Variants in MKRN2 observed in about 807,000 individuals in gnomAD.
MKRN2 encodes the protein E3 ubiquitin-protein ligase makorin-2.
Under a neutral mutation model 45.4 loss-of-function variants are expected in MKRN2, and 32 were observed. The observed-to-expected ratio is 0.70, with a 90% CI of 0.53 to 0.95. MKRN2 has a LOEUF of 0.95. Among genes scored for constraint, MKRN2 ranks in the 40% least tolerant of loss-of-function variants. MKRN2 has a pLI of 0.00. For missense variants in MKRN2, 526 were observed against 536.7 expected (o/e 0.98, Z 0.20); for synonymous variants, 206 against 192.4 (o/e 1.07, Z -0.59).
rs3036508 is a variant in MKRN2 at position 12,569,256 on chromosome 3, G to GGTTCAAGGA, written c.155+257_155+258insAAGGAGTTC. On this transcript the variant is annotated intron_variant, in intron 2 of 7. Transcript: ENST00000170447. ...AGTTCTCTGCAACCTCCGCCTCCAG[G>GGTTCAAGGA]GTTCTCCTGCCTCAGCCTCCCAAGT... Among the ~76,000 whole-genome samples, 59 of 150,830 alleles carry GGTTCAAGGA rather than the reference G, an allele frequency of 3.9e-4. 1 individual carries two copies. Among genetic ancestry groups the GGTTCAAGGA allele is most frequent in the African/African-American group, 8.1e-4 (33 of 40,970 alleles).
intron 1 of MKRN2, among the ~76,000 whole-genome samples, chr3:12,567,735 C>T (rs2058077773): frequency 6.6e-6 from 1 of 152,008 alleles, no homozygotes; most frequent in South Asian, 2.1e-4. Context: ...AGGTGATGCG[C>T]CCGCCTTGGC....
At chr3:12,568,337 G>C (rs1212207103) in intron 1 of MKRN2, among the ~76,000 whole-genome samples, 1 of 152,234 alleles carries the variant, frequency 6.6e-6, no homozygotes, top group African/African-American at 2.4e-5. Flanking sequence ...TCCATCATTA[G>C]TCAAGGAGCA....
chr3:12,582,115 GTTCT>G lies in MKRN2; in HGVS notation c.1116_1119del (p.Phe372LeufsTer26). On this transcript the variant is annotated frameshift_variant and splice_region_variant, in exon 8 of 8. Transcript: ENST00000170447. LOFTEE classifies it high-confidence loss of function. ...GGCATGTCCACTGGCTGTTTTTGCA[GTTCT>G]TTAATTCAGTGCGGCTCTGGGATTT... 6.8e-6 allele frequency: 11 copies of G among 1,614,138 alleles called. No individual in the cohort carries two copies. The highest frequency in any genetic ancestry group is 1.1e-5 in the South Asian group (1 of 91,078).
At position 12,575,986 on chromosome 3, in the gene MKRN2, G is replaced by A. The variant is rs577394286; in HGVS notation, c.858-645G>A. Among the ~76,000 whole-genome samples the A allele has an allele frequency of 7.9e-5, 12 of 152,160 alleles. No individual in the cohort carries two copies. In the East Asian group the frequency reaches 2.3e-3, roughly 29 times the overall value. On this transcript the variant is annotated intron_variant, in intron 5 of 7. Coordinates refer to ENST00000170447, the MANE Select transcript of MKRN2 (RefSeq NM_014160.5). ...GAATAATGCTGCTGTCAACATTTGT[G>A]AACACAGCATGTGGGCATGTGTTTT...
intron 1 of MKRN2, among the ~76,000 whole-genome samples, chr3:12,560,123 G>A (rs550652197): frequency 1.3e-5 from 2 of 152,140 alleles, no homozygotes; most frequent in Non-Finnish European, 2.9e-5. Flanking sequence ...TTAAATAATA[G>A]CAACAAACCA....
Position 12,557,183 on chromosome 3 carries a change from G to C in MKRN2, c.26+7G>C. On this transcript the variant is annotated splice_region_variant and intron_variant, in intron 1 of 7. Transcript: ENST00000170447. ...CCAAGCAGATCACTTGCAGGTCAGT[G>C]CGCTGGAGCCAGGAGCTTCGGGCCG... is the stretch of plus-strand genomic sequence containing the variant. 6.5e-7 allele frequency: 1 copy of C among 1,536,122 alleles called. No homozygotes were observed. The highest frequency in any genetic ancestry group is 1.2e-5 in the South Asian group (1 of 82,586).
chr3:12,562,690 C>G (rs150841039), intron 1 of MKRN2, among the ~76,000 whole-genome samples: 1 of 152,216 alleles, frequency 6.6e-6, no homozygotes, highest in Non-Finnish European at 1.5e-5. Flanking sequence ...ACCACCTGAG[C>G]TCCACCTCCT....
chr3:12,568,914 C>A lies in MKRN2; in HGVS notation c.66C>A (p.Cys22Ter). ...MHGVCREGSQ[C>*]LFSHDLANSK... Reference sequence around the variant, plus strand: ...GTGTGTGTCGGGAAGGAAGTCAGTGCCTATTCTCACATGACTTGGCAAACA... The same window carrying A: ...GTGTGTGTCGGGAAGGAAGTCAGTGACTATTCTCACATGACTTGGCAAACA... The change falls in exon 2 of 8, where the codon TGC becomes TGA. Residue 22 changes from cysteine to a stop codon, truncating the protein, a stop_gained. Transcript: ENST00000170447. LOFTEE classifies it high-confidence loss of function. The A allele has an allele frequency of 6.2e-7, 1 of 1,614,076 alleles. No homozygotes were observed. The highest frequency in any genetic ancestry group is 1.3e-5 in the African/African-American group (1 of 75,026).
Position 12,557,124 on chromosome 3 carries a change from C to G in MKRN2, c.-27C>G. The G allele has an allele frequency of 2.0e-6, 3 of 1,496,768 alleles. No homozygotes were observed. The highest frequency in any genetic ancestry group is 2.7e-6 in the Non-Finnish European group (3 of 1,125,536). The allele number at this position is 1,496,768 out of a possible 1,614,324, so 92.7% of individuals were successfully genotyped here. On this transcript the variant is annotated 5_prime_UTR_variant, in exon 1 of 8. Transcript: ENST00000170447. ...GCAGCGGCTGCGAGAGGCGGCGGCA[C>G]GACGACGGTCCCTCAGCCCAGCCAC...
chr3:12,576,806 T>C (rs866260159), intron 6 of MKRN2, 65 bp downstream of exon 6: 1 of 1,168,180 alleles, frequency 8.6e-7, no homozygotes, highest in Middle Eastern at 2.0e-4. Context: ...GCCCGTGTCC[T>C]CGTTCTCCTT....
chr3:12,564,175 A>T (rs1312606424), intron 1 of MKRN2, among the ~76,000 whole-genome samples: 2 of 151,806 alleles, frequency 1.3e-5, no homozygotes, highest in African/African-American at 4.8e-5. Flanking sequence ...CAAATTCCTG[A>T]CCTCAGGTGA....
chr3:12,576,359 A>T (rs867970845), intron 5 of MKRN2, among the ~76,000 whole-genome samples: 34 of 151,984 alleles, frequency 2.2e-4, no homozygotes, highest in African/African-American at 7.7e-4. Context: ...TGCATGCATT[A>T]GCTGTTTGTG....
intron 1 of MKRN2, among the ~76,000 whole-genome samples, chr3:12,565,580 G>A (rs2058064908): frequency 7.5e-6 from 1 of 132,868 alleles, no homozygotes; most frequent in Non-Finnish European, 1.5e-5. Flanking sequence ...CTGTCACCCA[G>A]GCTAGAGTGC....
rs1355184869 is a variant in MKRN2 at position 12,583,533 on chromosome 3, A to AGGGTGAACAAATGGGGCATTCAAGTTGT, written c.*1282_*1309dup. On this transcript the variant is annotated 3_prime_UTR_variant, in exon 8 of 8. Transcript: ENST00000170447. ...CTGTTCTTGAATTCTGCTCCTGAAG[A>AGGGTGAACAAATGGGGCATTCAAGTTGT]GGGTGAACAAATGGGGCATTCAAGT... 4.7e-6 allele frequency: 1 copy of AGGGTGAACAAATGGGGCATTCAAGTTGT among 211,532 alleles called. No homozygotes were observed. Among genetic ancestry groups the AGGGTGAACAAATGGGGCATTCAAGTTGT allele is most frequent in the Non-Finnish European group, 9.6e-6 (1 of 104,486 alleles). 13.1% of individuals were successfully genotyped at this position (211,532 alleles called of 1,614,324 possible).
chr3:12,570,535 T>C (rs1409302483), intron 3 of MKRN2, among the ~76,000 whole-genome samples: 1 of 152,036 alleles, frequency 6.6e-6, no homozygotes, highest in African/African-American at 2.4e-5. Flanking sequence ...TCCATCTTCA[T>C]ATGGTGGTTG....
At chr3:12,567,697 G>A (rs2125302759) in intron 1 of MKRN2, among the ~76,000 whole-genome samples, 1 of 151,992 alleles carries the variant, frequency 6.6e-6, no homozygotes, top group Non-Finnish European at 1.5e-5. Context: ...CTCCATGTTG[G>A]TCAGACTGGT....
chr3:12,578,576 C>A (rs1309944289), intron 6 of MKRN2, among the ~76,000 whole-genome samples: 2 of 152,054 alleles, frequency 1.3e-5, no homozygotes, highest in Non-Finnish European at 2.9e-5. Context: ...CTCGGCCTCC[C>A]AAAATGCTGG....
intron 1 of MKRN2, among the ~76,000 whole-genome samples, chr3:12,561,296 G>GA (rs1176202246): frequency 6.6e-6 from 1 of 152,180 alleles, no homozygotes; most frequent in Non-Finnish European, 1.5e-5. Context: ...GTGCAGTTTG[G>GA]AAGGCAAGTT....
rs759074008 is a variant in MKRN2 at position 12,557,193 on chromosome 3, C to A, written c.26+17C>A. 822 of 1,534,418 alleles carry A rather than the reference C, an allele frequency of 5.4e-4. 2 individuals carry two copies. The highest frequency in any genetic ancestry group is 6.1e-4 in the Non-Finnish European group (693 of 1,142,472). On this transcript the variant is annotated intron_variant, in intron 1 of 7. Transcript: ENST00000170447. ...CACTTGCAGGTCAGTGCGCTGGAGCCAGGAGCTTCGGGCCGCTCCCCCAGG... is the reference window on the plus strand; with the variant it reads ...CACTTGCAGGTCAGTGCGCTGGAGCAAGGAGCTTCGGGCCGCTCCCCCAGG...
Sources: allele counts gnomAD v4.1 joint callset (sites outside exome capture counted in the v4.1 genomes callset), GRCh38; gene constraint gnomAD v4.1.1; transcripts MANE v1.5; gene names NCBI Gene and HGNC (gene_info 2026-07-23, HGNC 2026-07-21).